Variants in SLC38A4 observed in about 807,000 individuals in gnomAD.
SLC38A4 encodes the protein solute carrier family 38 member 4.
A neutral mutation model predicts 63.1 loss-of-function variants in SLC38A4; 20 were observed. That is an observed-to-expected ratio of 0.32 (90% CI 0.22 to 0.46). SLC38A4 has a LOEUF of 0.46. SLC38A4 is among the 20% of genes least tolerant of loss of function. The pLI is 1.00. For synonymous variants in SLC38A4, 230 were observed against 225.5 expected, an observed-to-expected ratio of 1.02 and a Z score of -0.18; for missense variants, 526 against 663.6, an observed-to-expected ratio of 0.79 and a Z score of 2.28.
intron 1 of SLC38A4, among the ~76,000 whole-genome samples, chr12:46,821,500 T>A (rs1198668048): frequency 6.6e-6 from 1 of 152,116 alleles, no homozygotes; most frequent in African/African-American, 2.4e-5. Flanking sequence ...GGGCTCTCTA[T>A]GCCATTCTAT....
At chr12:46,769,025 A>G (rs1423479253) in intron 15 of SLC38A4, among the ~76,000 whole-genome samples, 4 of 152,118 alleles carry the variant, frequency 2.6e-5, no homozygotes, top group African/African-American at 9.7e-5. Flanking sequence ...ACCAAGGTAT[A>G]TGACTTGACT....
chr12:46,827,286 G>A (rs1290496911), upstream of SLC38A4, among the ~76,000 whole-genome samples: 1 of 152,102 alleles, frequency 6.6e-6, no homozygotes, highest in Non-Finnish European at 1.5e-5. Context: ...CATTTCGTAT[G>A]GACATTTGCT....
chr12:46,798,263 A>G (rs1266014745), intron 2 of SLC38A4, among the ~76,000 whole-genome samples: 1 of 152,098 alleles, frequency 6.6e-6, no homozygotes, highest in African/African-American at 2.4e-5. Flanking sequence ...AATTCTCAAC[A>G]TGCCTGGTAA....
intron 2 of SLC38A4, among the ~76,000 whole-genome samples, chr12:46,799,712 A>G (rs760968586): frequency 2.0e-5 from 3 of 152,204 alleles, no homozygotes; most frequent in Non-Finnish European, 2.9e-5. Context: ...TAAGGGAACA[A>G]TGGTTAAATG....
At chr12:46,767,666 C>A (rs746904472) in intron 16 of SLC38A4, among the ~76,000 whole-genome samples, 4 of 152,066 alleles carry the variant, frequency 2.6e-5, no homozygotes, top group Non-Finnish European at 5.9e-5. Context: ...AAGAAATATT[C>A]TTTTCAAGCC....
At chr12:46,772,987 T>C (rs1315583330) in intron 14 of SLC38A4, among the ~76,000 whole-genome samples, 1 of 152,070 alleles carries the variant, frequency 6.6e-6, no homozygotes. Context: ...CCCTAAGTTA[T>C]ACGAAATAAA....
upstream of SLC38A4, among the ~76,000 whole-genome samples, chr12:46,826,755 A>G (rs1400344616): frequency 6.6e-6 from 1 of 152,240 alleles, no homozygotes; most frequent in Non-Finnish European, 1.5e-5. Flanking sequence ...TAGGATTCAT[A>G]TCCACATTAC....
chr12:46,816,234 C>T (rs1012394947), intron 1 of SLC38A4, among the ~76,000 whole-genome samples: 4 of 151,714 alleles, frequency 2.6e-5, no homozygotes, highest in Non-Finnish European at 5.9e-5. Context: ...TACTTCTAAA[C>T]CCTTAGAAAA....
rs761681264 is a variant in SLC38A4 at position 46,787,960 on chromosome 12, C to A, written c.282G>T (p.Leu94=). The A allele has an allele frequency of 1.9e-6, 3 of 1,613,826 alleles. No homozygotes were observed. Among genetic ancestry groups the A allele is most frequent in the Non-Finnish European group, 2.5e-6 (3 of 1,179,816 alleles). Residue 94 remains leucine, a synonymous_variant, in exon 5 of 17, where the codon CTG becomes CTT. Coordinates refer to ENST00000266579, the MANE Select transcript of SLC38A4 (RefSeq NM_018018.5). ...LSNAIMGSGI[L]GLSYAMANTG... The stretch of plus-strand genomic sequence containing the variant: ...TGTTGGCCATGGCATAGGACAAGCC[C>A]AGGATCCCACTGCCCATGATGGCAT...
chr12:46,809,953 C>T (rs1379322480), intron 1 of SLC38A4, among the ~76,000 whole-genome samples: 1 of 151,954 alleles, frequency 6.6e-6, no homozygotes, highest in African/African-American at 2.4e-5. Flanking sequence ...GAATGAAAAT[C>T]TTTATTTAAG....
intron 14 of SLC38A4, 30 bp downstream of exon 14, chr12:46,775,019 G>A: frequency 6.2e-7 from 1 of 1,608,074 alleles, no homozygotes; most frequent in Non-Finnish European, 8.5e-7. Context: ...GGTCAAGTAG[G>A]TTTCTTTCAT....
chr12:46,783,769 G>A (rs1328273402), intron 7 of SLC38A4, among the ~76,000 whole-genome samples: 1 of 151,984 alleles, frequency 6.6e-6, no homozygotes, highest in Non-Finnish European at 1.5e-5. Flanking sequence ...TAGGGACTGG[G>A]TAGGAGGTGA....
At chr12:46,830,021 C>G (rs1240917760), upstream of SLC38A4, among the ~76,000 whole-genome samples, 1 of 152,140 alleles carries the variant, frequency 6.6e-6, no homozygotes, top group Non-Finnish European at 1.5e-5. Context: ...GCCGGAATTA[C>G]CATTAATCTA....
intron 13 of SLC38A4, 22 bp from the exon 14 acceptor site, chr12:46,775,195 G>A: frequency 6.2e-7 from 1 of 1,607,770 alleles, no homozygotes; most frequent in Non-Finnish European, 8.5e-7. Flanking sequence ...AAAAGAGAAT[G>A]AAACCGCTTG....
chr12:46,778,173 G>A lies in SLC38A4; in HGVS notation c.1073+116C>T. ...AAAGCATGTTACTGAGGAGTGGATG[G>A]AGTACATATTTTCTCTGAAGAGGAA... On this transcript the variant is annotated intron_variant, in intron 12 of 16. Coordinates refer to ENST00000266579, the MANE Select transcript of SLC38A4 (RefSeq NM_018018.5). 8 of 923,664 alleles carry A rather than the reference G, an allele frequency of 8.7e-6. No homozygotes were observed. In the South Asian group the frequency reaches 1.2e-4, roughly 14 times the overall value. 57.2% of individuals were successfully genotyped at this position (923,664 alleles called of 1,614,324 possible).
Position 46,778,653 on chromosome 12 carries a change from A to T in SLC38A4, c.841T>A (p.Ser281Thr), listed in dbSNP as rs757904737. 1.9e-6 allele frequency: 3 copies of T among 1,612,908 alleles called. No individual in the cohort carries two copies. Among genetic ancestry groups the T allele is most frequent in the Non-Finnish European group, 2.5e-6 (3 of 1,179,400 alleles). ...TAATCCATCATGAAGTTCACATCAG[A>T]ACTCTCAGAGTTGTTGGGTAACATT... ...VVMLPNNSES[S>T]DVNFMMDYTH... Residue 281 changes from serine (S) to threonine (T), a missense_variant, in exon 11 of 17, where the codon TCT (serine) becomes ACT (threonine). Transcript: ENST00000266579.
rs542989188 is a variant in SLC38A4 at position 46,831,820 on chromosome 12, G to A, written c.-108+507C>T. ...GCCAGCAGGATCCCGGGCGGTCGCG[G>A]AGCCAGCTCCCGCGGGGGAAGTCGG... On this transcript the variant is annotated intron_variant, in intron 1 of 6. Coordinates refer to the SLC38A4 transcript ENST00000546940. Among the ~76,000 whole-genome samples, 319 of 149,210 alleles carry A rather than the reference G, an allele frequency of 2.1e-3. 2 individuals carry two copies. The highest frequency in any genetic ancestry group is 8.0e-3 in the African/African-American group (308 of 38,604).
In SLC38A4 at chr12:46,769,420, T is replaced by C; in HGVS notation, c.1308A>G (p.Thr436=). ...TGGGAAATAACAGTGTGATCACTGA[T>C]GTACGAATCTTAAACAAGAAAGTTC... ...TVPIVLFPIR[T]SVITLLFPKR... is the part of the protein sequence containing the mutation. Residue 436 remains threonine (T), a synonymous_variant, in exon 15 of 17, where the codon ACA becomes ACG. Transcript: ENST00000266579. The C allele has an allele frequency of 6.2e-7, 1 of 1,612,436 alleles. No individual in the cohort carries two copies. Among genetic ancestry groups the C allele is most frequent in the Middle Eastern group, 1.7e-4 (1 of 6,050 alleles).
chr12:46,831,235 G>A (rs1939727535), intron 1 of SLC38A4, among the ~76,000 whole-genome samples: 1 of 152,162 alleles, frequency 6.6e-6, no homozygotes. Context: ...TGGGCGCACA[G>A]CTGGTGTGCC....
Sources: gnomAD v4.1 joint callset for allele counts (sites outside exome capture counted in the v4.1 genomes callset) on GRCh38, gnomAD v4.1.1 for gene constraint, MANE v1.5 for transcripts, NCBI Gene and HGNC (gene_info 2026-07-23, HGNC 2026-07-21) for gene names.